SPOCK1: variants seen among roughly 807,000 people sequenced by gnomAD.
SPOCK1 encodes the protein testican-1.
Under a neutral mutation model 55.3 loss-of-function variants are expected in SPOCK1, and 23 were observed. The observed-to-expected ratio is 0.42, with a 90% CI of 0.30 to 0.59. SPOCK1 has a LOEUF of 0.59. Ranked by LOEUF, SPOCK1 falls within the 20% of genes least tolerant of loss-of-function variation. SPOCK1 has a pLI of 0.22. For synonymous variants in SPOCK1, 226 were observed against 221.0 expected, an observed-to-expected ratio of 1.02 and a Z score of -0.20; for missense variants, 499 against 552.5, an observed-to-expected ratio of 0.90 and a Z score of 0.97.
intron 2 of SPOCK1, among the ~76,000 whole-genome samples, chr5:137,284,340 G>C (rs751530181): frequency 6.6e-6 from 1 of 152,188 alleles, no homozygotes; most frequent in Non-Finnish European, 1.5e-5. Flanking sequence ...CTCAGAACAG[G>C]TATTGGTTGA....
intron 4 of SPOCK1, among the ~76,000 whole-genome samples, chr5:137,138,418 G>T (rs1382599798): frequency 6.6e-6 from 1 of 151,832 alleles, no homozygotes; most frequent in Admixed American, 6.6e-5. Flanking sequence ...AACCAAAAAT[G>T]TCTTGTCTAA....
intron 2 of SPOCK1, among the ~76,000 whole-genome samples, chr5:137,402,737 T>A (rs1300644554): frequency 6.6e-6 from 1 of 152,228 alleles, no homozygotes; most frequent in Non-Finnish European, 1.5e-5. Flanking sequence ...GAACCCAAAA[T>A]GGAGTTTCTA....
At chr5:137,245,247 G>A (rs368405766) in intron 3 of SPOCK1, among the ~76,000 whole-genome samples, 8 of 150,814 alleles carry the variant, frequency 5.3e-5, no homozygotes, top group African/African-American at 1.9e-4. Context: ...GATTCTCCTT[G>A]ATGCCAGTAT....
chr5:137,174,228 G>T (rs911607042), intron 3 of SPOCK1, among the ~76,000 whole-genome samples: 3 of 152,184 alleles, frequency 2.0e-5, no homozygotes, highest in African/African-American at 7.2e-5. Flanking sequence ...GACTCTTTCT[G>T]CAACTTCAAT....
chr5:137,423,251 C>T (rs1207677831), intron 2 of SPOCK1, among the ~76,000 whole-genome samples: 2 of 152,224 alleles, frequency 1.3e-5, no homozygotes, highest in Non-Finnish European at 2.9e-5. Flanking sequence ...CTTGAGGAGG[C>T]AGTCTGTCTG....
At chr5:137,411,909 T>C (rs993552887) in intron 2 of SPOCK1, among the ~76,000 whole-genome samples, 20 of 152,210 alleles carry the variant, frequency 1.3e-4, no homozygotes, top group Admixed American at 1.2e-3. Flanking sequence ...TGACTGTTTT[T>C]CCACTGCATT....
At chr5:137,108,122 T>C (rs1051774024) in intron 5 of SPOCK1, among the ~76,000 whole-genome samples, 2 of 152,188 alleles carry the variant, frequency 1.3e-5, no homozygotes, top group Non-Finnish European at 2.9e-5. Context: ...CTCTTACTAA[T>C]TGAGCATCTA....
chr5:137,259,935 C>CA (rs1241360671), intron 3 of SPOCK1, among the ~76,000 whole-genome samples: 1 of 152,144 alleles, frequency 6.6e-6, no homozygotes, highest in Non-Finnish European at 1.5e-5. Flanking sequence ...ATTTCAGTTA[C>CA]AATATATTCA....
chr5:137,060,408 T>C (rs1333059465), intron 6 of SPOCK1, among the ~76,000 whole-genome samples: 1 of 152,020 alleles, frequency 6.6e-6, no homozygotes. Flanking sequence ...TGAGTATACA[T>C]GGACACAAAG....
At chr5:137,170,810 C>T (rs1351568272) in intron 3 of SPOCK1, among the ~76,000 whole-genome samples, 2 of 152,046 alleles carry the variant, frequency 1.3e-5, no homozygotes, top group Admixed American at 1.3e-4. Flanking sequence ...GTTGTGGCAG[C>T]GCAAGATGAC....
rs1750647112 is a variant in SPOCK1 at position 136,977,833 on chromosome 5, C to CA, written c.*820dup. ...AGGCTACAAGAGCCAACTGTTAGTG[C>CA]AAAAAAGGACTTTAATACAAATTTC... On this transcript the variant is annotated 3_prime_UTR_variant, in exon 11 of 11. Transcript: ENST00000394945. 3 of 398,530 alleles carry CA rather than the reference C, an allele frequency of 7.5e-6. No homozygotes were observed. Among genetic ancestry groups the CA allele is most frequent in the Non-Finnish European group, 1.3e-5 (3 of 225,968 alleles). 24.7% of individuals were successfully genotyped at this position (398,530 alleles called of 1,614,324 possible).
Position 137,094,776 on chromosome 5 carries a change from C to A in SPOCK1, c.474+17659G>T, listed in dbSNP as rs112675636. ...TCCTTTCACAAAAATTTCTCAGTAG[C>A]AATGTGATGCTACTTGATAGCATTT... is the stretch of plus-strand genomic sequence containing the variant. On this transcript the variant is annotated intron_variant, in intron 5 of 10. Transcript: ENST00000394945. Among the ~76,000 whole-genome samples, 442 of 152,304 alleles carry A rather than the reference C, an allele frequency of 2.9e-3. 1 individual carries two copies. The highest frequency in any genetic ancestry group is 0.01 in the African/African-American group (417 of 41,560).
At chr5:137,241,261 A>G (rs1462414812) in intron 3 of SPOCK1, among the ~76,000 whole-genome samples, 1 of 152,236 alleles carries the variant, frequency 6.6e-6, no homozygotes, top group Admixed American at 6.5e-5. Flanking sequence ...TAACAATGAA[A>G]CTTTTACTTA....
intron 3 of SPOCK1, among the ~76,000 whole-genome samples, chr5:137,251,705 T>C (rs1191674733): frequency 6.6e-6 from 1 of 152,168 alleles, no homozygotes; most frequent in Non-Finnish European, 1.5e-5. Flanking sequence ...GATGGGCTTT[T>C]AGATGCCTGC....
chr5:137,209,967 A>T (rs1755582206), intron 3 of SPOCK1, among the ~76,000 whole-genome samples: 1 of 152,210 alleles, frequency 6.6e-6, no homozygotes, highest in African/African-American at 2.4e-5. Context: ...AAACTTGTGT[A>T]TTTGCCAACA....
At chr5:137,324,680 G>T (rs1406456237) in intron 2 of SPOCK1, among the ~76,000 whole-genome samples, 1 of 151,928 alleles carries the variant, frequency 6.6e-6, no homozygotes, top group Non-Finnish European at 1.5e-5. Flanking sequence ...CATGCAAGAT[G>T]AAAAAGTTCT....
chr5:137,389,727 T>C (rs761571942), intron 2 of SPOCK1, among the ~76,000 whole-genome samples: 62 of 152,212 alleles, frequency 4.1e-4, no homozygotes, highest in Non-Finnish European at 8.1e-4. Context: ...AAGTCCCTCA[T>C]GGTTGGAGTG....
chr5:137,333,274 C>G (rs1203514684), intron 2 of SPOCK1, among the ~76,000 whole-genome samples: 1 of 152,142 alleles, frequency 6.6e-6, no homozygotes, highest in African/African-American at 2.4e-5. Context: ...GGTCTGGATT[C>G]TATAGGTAAA....
intron 2 of SPOCK1, among the ~76,000 whole-genome samples, chr5:137,423,839 T>C (rs1399776500): frequency 6.6e-6 from 1 of 152,214 alleles, no homozygotes; most frequent in Non-Finnish European, 1.5e-5. Flanking sequence ...AGTACCTCAG[T>C]TGTAAATGCA....
Sources: allele counts gnomAD v4.1 joint callset (sites outside exome capture counted in the v4.1 genomes callset), GRCh38; gene constraint gnomAD v4.1.1; transcripts MANE v1.5; gene names NCBI Gene and HGNC (gene_info 2026-07-23, HGNC 2026-07-21).